Variants in GALNT5 observed in about 807,000 individuals in gnomAD.
The protein encoded by GALNT5 is UDP-GalNAc:polypeptide N-acetylgalactosaminyltransferase 5.
In GALNT5, 72 loss-of-function variants were observed where a neutral mutation model predicts 85.4. That is an observed-to-expected ratio of 0.84 (90% confidence interval 0.70 to 1.03). The LOEUF is 1.03. Among genes scored for constraint, GALNT5 ranks in the 50% least tolerant of loss-of-function variants. The pLI is 0.00. For synonymous variants in GALNT5, 404 were observed against 397.0 expected, an observed-to-expected ratio of 1.02 and a Z score of -0.21; for missense variants, 1,137 against 1,135.5, an observed-to-expected ratio of 1.00 and a Z score of -0.02.
chr2:157,266,141 A>T (rs1201700675), intron 1 of GALNT5, among the ~76,000 whole-genome samples: 1 of 152,204 alleles, frequency 6.6e-6, no homozygotes, highest in East Asian at 1.9e-4. Context: ...ATCAATCAGG[A>T]GCGGTGCGCC....
At chr2:157,285,332 T>G (rs1443126867) in intron 2 of GALNT5, among the ~76,000 whole-genome samples, 3 of 152,160 alleles carry the variant, frequency 2.0e-5, no homozygotes, top group African/African-American at 7.2e-5. Context: ...AGTCCCTTTA[T>G]GAGGGGCAGG....
rs557510368 is a variant in GALNT5, at chr2:157,317,563, T to A, written c.*6215T>A. ...TTAAAGATTGCCTGAAAACATTTGC[T>A]AAGGGGAGAATAAAACTAAAACTGT... On this transcript the variant is annotated 3_prime_UTR_variant, in exon 10 of 10. Transcript: ENST00000259056. 3.3e-4 allele frequency among the ~76,000 whole-genome samples: 50 copies of A among 152,242 alleles called. No homozygotes were observed. Among genetic ancestry groups the A allele is most frequent in the African/African-American group, 1.1e-3 (47 of 41,566 alleles).
rs557480118 is a variant in GALNT5, at chr2:157,285,592, G to A, written c.1622-423G>A. ...TAATGGAAGGGGATGTCAGAGTAGA[G>A]AATGAAAGGGTCTTATTTGCACACA... On this transcript the variant is annotated intron_variant, in intron 2 of 9. Transcript: ENST00000259056. Among the ~76,000 whole-genome samples the A allele has an allele frequency of 2.0e-5, 3 of 152,292 alleles. No homozygotes were observed. The South Asian group carries it at 6.2e-4, about 32-fold the overall frequency.
chr2:157,257,986 TCTG>T lies in GALNT5; in HGVS notation c.-73_-71del, dbSNP rs138788414. 8,129 of 1,259,264 alleles carry T rather than the reference TCTG, an allele frequency of 6.5e-3. No individual in the cohort carries two copies. The highest frequency in any genetic ancestry group is 7.3e-3 in the Non-Finnish European group (6,546 of 894,860). The allele number at this position is 1,259,264 out of a possible 1,614,324, so 78.0% of individuals were successfully genotyped here. On this transcript the variant is annotated 5_prime_UTR_variant, in exon 1 of 10. Coordinates refer to ENST00000259056, the MANE Select transcript of GALNT5 (RefSeq NM_014568.3). ...GGGGAGGGGGTCACTTTCTGGCAAC[TCTG>T]CTGCTGCTGCTGCTGCTGCTGCTAC...
In GALNT5 at chr2:157,300,967, T is replaced by A; in HGVS notation, c.2407T>A (p.Leu803Ile). 1 of 1,613,966 alleles carries A rather than the reference T, an allele frequency of 6.2e-7. No individual in the cohort carries two copies. Residue 803 changes from leucine to isoleucine, a missense_variant, in exon 7 of 10, where the codon TTA becomes ATA. Leu to Ile is a conservative substitution (Grantham distance 5). Transcript: ENST00000259056. Reference protein sequence around the residue: ...KWYLENVFPDLRAPIVRASGV... With the variant: ...KWYLENVFPDIRAPIVRASGV... ...GTACTTGGAGAATGTCTTTCCTGAC[T>A]TAAGGGCTCCCATTGTGAGAGCTAG...
In GALNT5 at chr2:157,316,630, A is replaced by T. The variant is rs902645776; in HGVS notation, c.*5282A>T. On this transcript the variant is annotated 3_prime_UTR_variant, in exon 10 of 10. Coordinates refer to ENST00000259056, the MANE Select transcript of GALNT5 (RefSeq NM_014568.3). ...GCCTTACAATTAGAAAAAAAAATTA[A>T]CCAGAGATATTGTACAAAATATTTA... 6.6e-6 allele frequency among the ~76,000 whole-genome samples: 1 copy of T among 152,124 alleles called. No individual in the cohort carries two copies. Among genetic ancestry groups the T allele is most frequent in the African/African-American group, 2.4e-5 (1 of 41,430 alleles).
chr2:157,274,686 T>C, intron 1 of GALNT5, among the ~76,000 whole-genome samples: 1 of 152,228 alleles, frequency 6.6e-6, no homozygotes, highest in East Asian at 1.9e-4. Flanking sequence ...GTTTGTTTTT[T>C]TTCTTGTACA....
intron 1 of GALNT5, among the ~76,000 whole-genome samples, chr2:157,277,830 T>C (rs376070103): frequency 6.6e-5 from 10 of 152,328 alleles, no homozygotes; most frequent in African/African-American, 2.4e-4. Context: ...CATTTAAGAT[T>C]GATATTGTTA....
In GALNT5 at chr2:157,261,892, A is replaced by G. The variant is rs1682348953; in HGVS notation, c.1454+2356A>G. ...AAAAGCGTTTGAGGTAGCTGCTTAC[A>G]GGAATGCATGCAATAAGATTTTTTA... On this transcript the variant is annotated intron_variant, in intron 1 of 9. Transcript: ENST00000259056. Among the ~76,000 whole-genome samples the G allele has an allele frequency of 4.6e-5, 7 of 152,280 alleles. 1 individual carries two copies. The South Asian group carries it at 1.5e-3, about 32-fold the overall frequency.
intron 3 of GALNT5, among the ~76,000 whole-genome samples, chr2:157,290,272 G>A (rs563259313): frequency 4.6e-5 from 7 of 152,162 alleles, no homozygotes; most frequent in African/African-American, 1.7e-4. Flanking sequence ...AGCAGGGTCT[G>A]TGGCCTACAC....
intron 5 of GALNT5, among the ~76,000 whole-genome samples, chr2:157,299,337 T>G (rs7581316): frequency 0.11 from 16,659 of 152,180 alleles, 2,549 homozygotes; most frequent in African/African-American, 0.35. Context: ...AGTTCCAGGA[T>G]GCATCTTTGC....
intron 1 of GALNT5, among the ~76,000 whole-genome samples, chr2:157,280,875 C>T (rs1682840955): frequency 6.6e-6 from 1 of 152,134 alleles, no homozygotes; most frequent in Admixed American, 6.5e-5. Flanking sequence ...ACCTTACTGT[C>T]TCTTGCTTGC....
chr2:157,314,939 A>G lies in GALNT5; in HGVS notation c.*3591A>G, dbSNP rs1037386923. On this transcript the variant is annotated 3_prime_UTR_variant, in exon 10 of 10. Transcript: ENST00000259056. Reference sequence around the variant, plus strand: ...CTAAAAATACAAAAATTAGCTGGGCATGGTGGTGGGCGCCTGTAATCCCAG... The same window carrying G: ...CTAAAAATACAAAAATTAGCTGGGCGTGGTGGTGGGCGCCTGTAATCCCAG... 2.6e-5 allele frequency among the ~76,000 whole-genome samples: 4 copies of G among 152,026 alleles called. No individual in the cohort carries two copies. Among genetic ancestry groups the G allele is most frequent in the East Asian group, 3.9e-4 (2 of 5,166 alleles).
rs1490201617 is a variant in GALNT5, at chr2:157,267,669, A to G, written c.1454+8133A>G. On this transcript the variant is annotated intron_variant, in intron 1 of 9. Coordinates refer to ENST00000259056, the MANE Select transcript of GALNT5 (RefSeq NM_014568.3). ...GACAGCTTCCTGCTCAAAACAGACT[A>G]TTGTTGAAGTGGTGAATGTTTATGC... 3.3e-5 allele frequency among the ~76,000 whole-genome samples: 5 copies of G among 152,244 alleles called. No homozygotes were observed. The East Asian group carries it at 9.7e-4, about 29-fold the overall frequency.
At chr2:157,284,588 TCA>T in intron 2 of GALNT5, 140 bp downstream of exon 2, 1 of 668,560 alleles carries the variant, frequency 1.5e-6, no homozygotes, top group African/African-American at 1.8e-5. Context: ...ACGTGGAGCC[TCA>T]GAGACATAAG....
At chr2:157,282,669 G>C (rs375389648) in intron 1 of GALNT5, among the ~76,000 whole-genome samples, 1 of 152,072 alleles carries the variant, frequency 6.6e-6, no homozygotes, top group Non-Finnish European at 1.5e-5. Context: ...TAGTAAAGCT[G>C]TTCCAAATCA....
intron 7 of GALNT5, among the ~76,000 whole-genome samples, chr2:157,304,818 C>T (rs906521665): frequency 7.2e-5 from 11 of 152,164 alleles, no homozygotes. Context: ...ACTGAGCCCC[C>T]TTTTATGAAG....
intron 1 of GALNT5, among the ~76,000 whole-genome samples, chr2:157,259,991 C>G (rs757827449): frequency 6.6e-6 from 1 of 152,188 alleles, no homozygotes; most frequent in African/African-American, 2.4e-5. Flanking sequence ...GGAATCATAT[C>G]TTAACCAGCA....
At chr2:157,307,494 A>G (rs986898271) in intron 8 of GALNT5, among the ~76,000 whole-genome samples, 2 of 152,184 alleles carry the variant, frequency 1.3e-5, no homozygotes, top group Non-Finnish European at 2.9e-5. Flanking sequence ...ATATTATGCC[A>G]TACTTCCATG....
Sources: allele counts gnomAD v4.1 joint callset (sites outside exome capture counted in the v4.1 genomes callset), GRCh38; gene constraint gnomAD v4.1.1; transcripts MANE v1.5; gene names NCBI Gene and HGNC (gene_info 2026-07-23, HGNC 2026-07-21).